The following LRRC7 variants were observed in gnomAD, a reference collection of about 807,000 sequenced individuals.
LRRC7 encodes leucine rich repeat containing 7, also known as leucine-rich repeat-containing protein 7.
In LRRC7, 23 loss-of-function variants were observed where a neutral mutation model predicts 175.7. That is an observed-to-expected ratio of 0.13 (90% CI 0.09 to 0.19). LRRC7 has a LOEUF of 0.19. Among genes scored for constraint, LRRC7 ranks in the 10% least tolerant of loss-of-function variants. LRRC7 has a pLI of 1.00. For synonymous variants in LRRC7, 685 were observed against 680.9 expected, an observed-to-expected ratio of 1.01 and a Z score of -0.09; for missense variants, 1,354 against 1,904.7, an observed-to-expected ratio of 0.71 and a Z score of 5.38.
At chr1:69,926,765 T>C (rs1570685691) in intron 7 of LRRC7, among the ~76,000 whole-genome samples, 1 of 152,326 alleles carries the variant, frequency 6.6e-6, no homozygotes, top group East Asian at 1.9e-4. Context: ...TTATCCAATT[T>C]GCCAGTCTGT....
At chr1:69,724,137 C>A (rs1011766507) in intron 2 of LRRC7, among the ~76,000 whole-genome samples, 4 of 152,112 alleles carry the variant, frequency 2.6e-5, no homozygotes, top group African/African-American at 9.7e-5. Context: ...TTTTTCATTG[C>A]TTCTTTTTCC....
intron 10 of LRRC7, among the ~76,000 whole-genome samples, chr1:69,990,616 A>T (rs1654348030): frequency 6.6e-6 from 1 of 152,112 alleles, no homozygotes; most frequent in Non-Finnish European, 1.5e-5. Flanking sequence ...TTTGCATGAT[A>T]TTCAGTTAAA....
At chr1:69,917,071 G>A (rs1288955343) in intron 7 of LRRC7, among the ~76,000 whole-genome samples, 1 of 152,120 alleles carries the variant, frequency 6.6e-6, no homozygotes, top group Non-Finnish European at 1.5e-5. Flanking sequence ...AATTTTACAT[G>A]TATAATGTAA....
At position 70,132,149 on chromosome 1, in the gene LRRC7, C is replaced by T. The variant is rs1421285009; in HGVS notation, c.*10262C>T. ...TCTCTTCGTTCTGGTGACCATGCCCCTTCTTCAGACAGCCCTGAATTCCCT... is the reference window on the plus strand; with the variant it reads ...TCTCTTCGTTCTGGTGACCATGCCCTTTCTTCAGACAGCCCTGAATTCCCT... On this transcript the variant is annotated 3_prime_UTR_variant, in exon 27 of 27. Transcript: ENST00000651989. 6.6e-6 allele frequency: 1 copy of T among 152,272 alleles called. No individual in the cohort carries two copies. Among genetic ancestry groups the T allele is most frequent in the Non-Finnish European group, 1.5e-5 (1 of 68,098 alleles). The allele number at this position is 152,272 out of a possible 1,614,324, so 9.4% of individuals were successfully genotyped here.
At chr1:69,999,405 C>T (rs903052505) in intron 11 of LRRC7, among the ~76,000 whole-genome samples, 2 of 152,014 alleles carry the variant, frequency 1.3e-5, no homozygotes, top group African/African-American at 4.8e-5. Context: ...TTTCAGATGC[C>T]ACAAAGCCAG....
chr1:69,570,116 T>C (rs1645678702), intron 1 of LRRC7, among the ~76,000 whole-genome samples: 1 of 152,078 alleles, frequency 6.6e-6, no homozygotes, highest in African/African-American at 2.4e-5. Flanking sequence ...TTTGTGAGCA[T>C]ATTCTAACCT....
chr1:69,686,220 T>C (rs1487417305), intron 2 of LRRC7, among the ~76,000 whole-genome samples: 1 of 152,162 alleles, frequency 6.6e-6, no homozygotes, highest in Non-Finnish European at 1.5e-5. Flanking sequence ...AGAGAATTTG[T>C]TGCTAACAAA....
intron 2 of LRRC7, among the ~76,000 whole-genome samples, chr1:69,688,589 G>T (rs1038675685): frequency 6.6e-6 from 1 of 151,548 alleles, no homozygotes; most frequent in South Asian, 2.1e-4. Context: ...ATGAAAATTT[G>T]CAGAGGAAGA....
At chr1:69,948,683 G>A (rs1274516791) in intron 8 of LRRC7, among the ~76,000 whole-genome samples, 3 of 152,126 alleles carry the variant, frequency 2.0e-5, no homozygotes, top group Non-Finnish European at 4.4e-5. Flanking sequence ...TGATGTGCCA[G>A]CTACTTTTAC....
chr1:69,873,692 A>G (rs553054899), intron 7 of LRRC7: 1 of 262,218 alleles, frequency 3.8e-6, no homozygotes, highest in South Asian at 3.7e-5. Flanking sequence ...ACTGCCTAGT[A>G]TCTACAAAAT....
At chr1:69,638,024 G>C (rs540260902) in intron 1 of LRRC7, among the ~76,000 whole-genome samples, 1 of 151,912 alleles carries the variant, frequency 6.6e-6, no homozygotes, top group East Asian at 1.9e-4. Context: ...GAGTCTTGAT[G>C]AGCAATATGT....
intron 1 of LRRC7, among the ~76,000 whole-genome samples, chr1:69,613,848 G>A (rs1489131041): frequency 6.6e-6 from 1 of 151,982 alleles, no homozygotes; most frequent in Non-Finnish European, 1.5e-5. Context: ...CTGGAAATAT[G>A]TCTTTGTGTC....
chr1:69,676,020 C>T (rs904025425), intron 1 of LRRC7, among the ~76,000 whole-genome samples: 7 of 151,574 alleles, frequency 4.6e-5, no homozygotes, highest in Non-Finnish European at 1.0e-4. Flanking sequence ...CACACACACA[C>T]ACACACACAC....
intron 2 of LRRC7, among the ~76,000 whole-genome samples, chr1:69,735,043 A>C (rs913168938): frequency 2.8e-4 from 42 of 152,054 alleles, no homozygotes; most frequent in African/African-American, 1.0e-3. Context: ...GGGCCACATT[A>C]GTTTTATGTA....
intron 1 of LRRC7, among the ~76,000 whole-genome samples, chr1:69,651,007 C>T (rs1324891399): frequency 1.3e-5 from 2 of 152,068 alleles, no homozygotes; most frequent in African/African-American, 2.4e-5. Flanking sequence ...ACTGAAGCAT[C>T]GAGCTAAATT....
intron 14 of LRRC7, among the ~76,000 whole-genome samples, chr1:70,016,763 T>G (rs1386007511): frequency 6.6e-6 from 1 of 152,024 alleles, no homozygotes; most frequent in Non-Finnish European, 1.5e-5. Flanking sequence ...TCTACTTAAT[T>G]CTCTGAGATC....
chr1:69,631,365 G>A (rs552071707), intron 1 of LRRC7, among the ~76,000 whole-genome samples: 1 of 151,826 alleles, frequency 6.6e-6, no homozygotes, highest in Non-Finnish European at 1.5e-5. Context: ...GTCTTTACAC[G>A]CCTTGAACTC....
chr1:69,642,874 A>G (rs1027730959), intron 1 of LRRC7, among the ~76,000 whole-genome samples: 11 of 149,456 alleles, frequency 7.4e-5, no homozygotes, highest in African/African-American at 2.7e-4. Context: ...ATTGATTGGA[A>G]GAGATTTATT....
In LRRC7 at chr1:69,937,361, A is replaced by G. The variant is rs957828230; in HGVS notation, c.711+5791A>G. 1.1e-4 allele frequency among the ~76,000 whole-genome samples: 17 copies of G among 152,120 alleles called. No individual in the cohort carries two copies. In the East Asian group the frequency reaches 3.1e-3, roughly 28 times the overall value. The stretch of plus-strand genomic sequence containing the variant: ...CTTCCTGCTTCTAGATTACTAAGAA[A>G]ATTTAGCATGAACAAGTACTAAATT... On this transcript the variant is annotated intron_variant, in intron 8 of 26. Transcript: ENST00000651989.
Sources: allele counts gnomAD v4.1 joint callset (sites outside exome capture counted in the v4.1 genomes callset), GRCh38; gene constraint gnomAD v4.1.1; transcripts MANE v1.5; gene names NCBI Gene and HGNC (gene_info 2026-07-23, HGNC 2026-07-21).